TMEM87A: variants seen among roughly 807,000 people sequenced by gnomAD.
The protein encoded by TMEM87A is Golgi-pH regulating cation channel.
A neutral mutation model predicts 90.0 loss-of-function variants in TMEM87A; 50 were observed. That is an observed-to-expected ratio of 0.56 (90% CI 0.44 to 0.70). The LOEUF is 0.70. Ranked by LOEUF, TMEM87A falls within the 30% of genes least tolerant of loss-of-function variation. The pLI is 0.00. For missense variants in TMEM87A, 577 were observed against 660.5 expected, an observed-to-expected ratio of 0.87 and a Z score of 1.39; for synonymous variants, 226 against 226.7, an observed-to-expected ratio of 1.00 and a Z score of 0.03.
intron 4 of TMEM87A, 36 bp from the exon 5 acceptor site, chr15:42,261,285 T>TGTAA (rs2140979530): frequency 6.3e-7 from 1 of 1,576,514 alleles, no homozygotes; most frequent in South Asian, 1.1e-5. Context: ...ATTAAAGGTG[T>TGTAA]GTAAATACTA....
chr15:42,233,061 G>C (rs949395397), intron 11 of TMEM87A, 152 bp downstream of exon 11: 60 of 533,846 alleles, frequency 1.1e-4, no homozygotes, highest in Middle Eastern at 9.4e-4. Context: ...ATTTAAAAGA[G>C]AACATGAACT....
Position 42,218,310 on chromosome 15 carries a change from T to A in TMEM87A, c.1595+13A>T, listed in dbSNP as rs190752353. The stretch of plus-strand genomic sequence containing the variant: ...TGAAATAGGATTCTTGTGGTAATCA[T>A]TCAAAAACTTACACATCTGTCACAG... On this transcript the variant is annotated intron_variant, in intron 18 of 19. Transcript: ENST00000389834. 4.3e-6 allele frequency: 7 copies of A among 1,613,352 alleles called. No individual in the cohort carries two copies. The highest frequency in any genetic ancestry group is 5.1e-6 in the Non-Finnish European group (6 of 1,179,504).
At chr15:42,252,347 T>C (rs913975484) in intron 6 of TMEM87A, among the ~76,000 whole-genome samples, 1 of 152,206 alleles carries the variant, frequency 6.6e-6, no homozygotes, top group Non-Finnish European at 1.5e-5. Context: ...CTGGGAGCTG[T>C]AGACGGAGCT....
chr15:42,256,034 C>T (rs1227553729), intron 6 of TMEM87A, among the ~76,000 whole-genome samples: 1 of 150,930 alleles, frequency 6.6e-6, no homozygotes, highest in African/African-American at 2.4e-5. Flanking sequence ...CCCACCTTGG[C>T]CTCACAAAGT....
At chr15:42,214,680 T>C (rs113129661) in intron 19 of TMEM87A, among the ~76,000 whole-genome samples, 2,685 of 152,210 alleles carry the variant, frequency 0.018, 29 homozygotes, top group Non-Finnish European at 0.027. Flanking sequence ...CAACTCAAAA[T>C]AGATTAAAGA....
intron 3 of TMEM87A, among the ~76,000 whole-genome samples, chr15:42,265,358 C>T (rs1175781255): frequency 6.6e-6 from 1 of 152,166 alleles, no homozygotes; most frequent in Admixed American, 6.5e-5. Context: ...TCTCCACAAC[C>T]TTGCCAGCAT....
At position 42,239,672 on chromosome 15, in the gene TMEM87A, T is replaced by G; in HGVS notation, c.682A>C (p.Ile228Leu). The G allele has an allele frequency of 6.2e-7, 1 of 1,613,260 alleles. No homozygotes were observed. The highest frequency in any genetic ancestry group is 8.5e-7 in the Non-Finnish European group (1 of 1,179,240). ...YLTLEDYPLM[I>L]FFMVMCIVYV... ...TTAAATAATATAAAGTCACTTACAA[T>G]CATCAAGGGATAGTCTTCAAGTGTG... The change falls in exon 8 of 20, where the codon ATT becomes CTT. Residue 228 changes from isoleucine to leucine, a missense_variant and splice_region_variant. By Grantham distance (5) the Ile-to-Leu change is conservative. Transcript: ENST00000389834.
rs2050288260 is a variant in TMEM87A at position 42,211,633 on chromosome 15, C to A, written c.*75G>T. Reference sequence around the variant, plus strand: ...CATTGCTTCCTTTAATCCCATGGAGCCGTACAGAAGACTGACACAGATGCT... The same window carrying A: ...CATTGCTTCCTTTAATCCCATGGAGACGTACAGAAGACTGACACAGATGCT... On this transcript the variant is annotated 3_prime_UTR_variant, in exon 20 of 20. Transcript: ENST00000389834. The A allele has an allele frequency of 1.4e-6, 2 of 1,407,142 alleles. No individual in the cohort carries two copies. Among genetic ancestry groups the A allele is most frequent in the Admixed American group, 1.8e-5 (1 of 54,772 alleles). The allele number at this position is 1,407,142 out of a possible 1,614,324, so 87.2% of individuals were successfully genotyped here.
At chr15:42,239,439 T>C (rs1178982078) in intron 8 of TMEM87A, among the ~76,000 whole-genome samples, 3 of 152,184 alleles carry the variant, frequency 2.0e-5, no homozygotes, top group African/African-American at 7.2e-5. Context: ...CTTTGAGGTA[T>C]TTCCACAGGT....
intron 3 of TMEM87A, 77 bp from the exon 4 acceptor site, chr15:42,264,280 G>A (rs2051355074): frequency 1.1e-6 from 1 of 932,208 alleles, no homozygotes; most frequent in Non-Finnish European, 1.7e-6. Flanking sequence ...ACAACAAACA[G>A]TTCACCTGCA....
intron 4 of TMEM87A, among the ~76,000 whole-genome samples, chr15:42,263,716 C>A (rs2051341595): frequency 6.6e-6 from 1 of 152,060 alleles, no homozygotes; most frequent in African/African-American, 2.4e-5. Flanking sequence ...CCACTGCACT[C>A]CAGCCTGGCG....
intron 6 of TMEM87A, among the ~76,000 whole-genome samples, chr15:42,259,144 A>G (rs2140975954): frequency 6.6e-6 from 1 of 152,252 alleles, no homozygotes; most frequent in South Asian, 2.1e-4. Context: ...GGAAGCAAAC[A>G]CAGAGTTTCA....
intron 10 of TMEM87A, among the ~76,000 whole-genome samples, chr15:42,233,736 C>T (rs1386913410): frequency 6.6e-6 from 1 of 151,976 alleles, no homozygotes; most frequent in Non-Finnish European, 1.5e-5. Flanking sequence ...TAAATGAGGA[C>T]CTTATTTTTC....
At chr15:42,253,396 C>A (rs2051120511) in intron 6 of TMEM87A, among the ~76,000 whole-genome samples, 1 of 152,140 alleles carries the variant, frequency 6.6e-6, no homozygotes, top group African/African-American at 2.4e-5. Flanking sequence ...ATTGCTTATC[C>A]CCACTGTTAT....
chr15:42,258,626 C>A, intron 6 of TMEM87A: 1 of 738,048 alleles, frequency 1.4e-6, no homozygotes, highest in Non-Finnish European at 1.7e-6. Context: ...AAAGTTTCAC[C>A]ACATTGGCCA....
At chr15:42,227,854 TC>T (rs1290754258) in intron 13 of TMEM87A, 85 bp from the exon 14 acceptor site, 16 of 1,223,798 alleles carry the variant, frequency 1.3e-5, no homozygotes, top group Non-Finnish European at 1.8e-5. Flanking sequence ...TTAAGTGGAA[TC>T]CCACACACCC....
chr15:42,241,296 TATCCCTCTC>T (rs2050862164), intron 7 of TMEM87A, among the ~76,000 whole-genome samples: 2 of 152,110 alleles, frequency 1.3e-5, no homozygotes, highest in African/African-American at 4.8e-5. Context: ...CATAGAGAAC[TATCCCTCTC>T]AGCCAGACTA....
In TMEM87A at chr15:42,233,227, G is replaced by A; in HGVS notation, c.1048C>T (p.Leu350Phe). Residue 350 changes from leucine (L) to phenylalanine (F), a missense_variant, in exon 11 of 20, where the codon CTC (leucine) becomes TTC (phenylalanine). Physicochemically the swap from Leu to Phe is conservative, Grantham distance 22 (BLOSUM62 0). Transcript: ENST00000389834. ...GCAGTACTAACCCCAGTAACTCTGAGGACCCCTTCCATGCCAGAGAACAAA... is the reference window on the plus strand; with the variant it reads ...GCAGTACTAACCCCAGTAACTCTGAAGACCCCTTCCATGCCAGAGAACAAA... Reference protein sequence around the residue: ...YLLFSGMEGVLRVTGAQTDLA... With the variant: ...YLLFSGMEGVFRVTGAQTDLA... 6.2e-7 allele frequency: 1 copy of A among 1,613,706 alleles called. No individual in the cohort carries two copies.
intron 6 of TMEM87A, among the ~76,000 whole-genome samples, chr15:42,246,539 T>A (rs4924640): frequency 0.95 from 144,381 of 152,170 alleles, 68,913 homozygotes; most frequent in Non-Finnish European, 1. Flanking sequence ...AGTGAGAACA[T>A]GCAGTGTTTG....
Sources: gnomAD v4.1 joint callset for allele counts (sites outside exome capture counted in the v4.1 genomes callset) on GRCh38, gnomAD v4.1.1 for gene constraint, MANE v1.5 for transcripts, NCBI Gene and HGNC (gene_info 2026-07-23, HGNC 2026-07-21) for gene names.